KDELR1: variants seen among roughly 807,000 people sequenced by gnomAD.
KDELR1 encodes the protein KDEL endoplasmic reticulum protein retention receptor 1.
A neutral mutation model predicts 25.5 loss-of-function variants in KDELR1; 16 were observed. That is an observed-to-expected ratio of 0.63 (90% confidence interval 0.43 to 0.95). The LOEUF (loss-of-function observed/expected upper bound fraction) is 0.95, where lower values mean the gene tolerates loss of function less well. Among genes scored for constraint, KDELR1 ranks in the 40% least tolerant of loss-of-function variants. The pLI is 0.00. For synonymous variants in KDELR1, 121 were observed against 115.0 expected, an observed-to-expected ratio of 1.05 and a Z score of -0.33; for missense variants, 159 against 265.2, an observed-to-expected ratio of 0.60 and a Z score of 2.78.
rs1970551114 is a variant in KDELR1 at position 48,391,440 on chromosome 19, G to C, written c.-82C>G. 8.8e-7 allele frequency: 1 copy of C among 1,130,950 alleles called. No homozygotes were observed. The highest frequency in any genetic ancestry group is 1.3e-5 in the South Asian group (1 of 75,164). 70.1% of individuals were successfully genotyped at this position (1,130,950 alleles called of 1,614,324 possible). On this transcript the variant is annotated 5_prime_UTR_variant, in exon 1 of 5. Transcript: ENST00000330720. ...CCCCCGAGGCTGCTGGTCTGAACGG[G>C]TAGCTGGGCTGGGGGGACGGAAGAG...
intron 4 of KDELR1, among the ~76,000 whole-genome samples, chr19:48,383,956 T>A (rs1190472779): frequency 6.6e-6 from 1 of 152,188 alleles, no homozygotes; most frequent in African/African-American, 2.4e-5. Context: ...GTTGCATGAA[T>A]AAATGAATGA....
At chr19:48,389,991 G>T (rs1161400463) in intron 2 of KDELR1, among the ~76,000 whole-genome samples, 1 of 136,660 alleles carries the variant, frequency 7.3e-6, no homozygotes, top group Non-Finnish European at 1.6e-5. Flanking sequence ...TCAGACCCTG[G>T]AGTCCAGGCC....
At chr19:48,388,772 GGAA>G (rs1018958270) in intron 3 of KDELR1, among the ~76,000 whole-genome samples, 25 of 142,448 alleles carry the variant, frequency 1.8e-4, no homozygotes, top group Admixed American at 1.6e-3. Context: ...AGGAAAGAAA[GGAA>G]GAAAGAAAGA....
In KDELR1 at chr19:48,389,806, G is replaced by A. The variant is rs1241284530; in HGVS notation, c.193-95C>T. The A allele has an allele frequency of 1.7e-5, 23 of 1,372,976 alleles. No individual in the cohort carries two copies. In the African/African-American group the frequency reaches 2.0e-4, roughly 12 times the overall value. The allele number at this position is 1,372,976 out of a possible 1,614,324, so 85.0% of individuals were successfully genotyped here. A position where few individuals can be genotyped will look rare whatever the true frequency, so the allele number is the denominator to read the frequency against. Reference sequence around the variant, plus strand: ...GTCCAGGCCCCTCCCTCAGACGCAGGAGTCCAGACCCCCAACCCCTCCTCC... The same window carrying A: ...GTCCAGGCCCCTCCCTCAGACGCAGAAGTCCAGACCCCCAACCCCTCCTCC... On this transcript the variant is annotated intron_variant, in intron 2 of 4. Coordinates refer to ENST00000330720, the MANE Select transcript of KDELR1 (RefSeq NM_006801.3).
At chr19:48,396,908 T>C in the KDELR1 span, among the ~76,000 whole-genome samples, 1 of 152,050 alleles carries the variant, frequency 6.6e-6, no homozygotes, top group Non-Finnish European at 1.5e-5. Flanking sequence ...CGGACTCCAG[T>C]CCTTCTCTGG....
At chr19:48,395,062 C>T (rs1043896682), upstream of KDELR1, 2 of 152,312 alleles carry the variant, frequency 1.3e-5, no homozygotes, top group Admixed American at 1.3e-4. Flanking sequence ...GGTCTTGACC[C>T]CCACCTAGCT....
upstream of KDELR1, among the ~76,000 whole-genome samples, chr19:48,393,759 T>TCGCCCGCAGC (rs1970593281): frequency 6.6e-6 from 1 of 151,998 alleles, no homozygotes; most frequent in Admixed American, 6.6e-5. The surrounding 1 kb of genome is among the most constrained non-coding windows in gnomAD (Gnocchi z 5.6). Flanking sequence ...GCCGCCACCC[T>TCGCCCGCAGC]CGCCCGCAGC....
upstream of KDELR1, among the ~76,000 whole-genome samples, chr19:48,394,148 A>C (rs1970600890): frequency 6.6e-6 from 1 of 151,782 alleles, no homozygotes. This position sits in a 1 kb window ranked among gnomAD's most constrained non-coding sequence, Gnocchi z 5.1. Context: ...CCCTATCAGC[A>C]GTGGCAGCCT....
At chr19:48,386,373 TC>T (rs2147420496) in intron 3 of KDELR1, among the ~76,000 whole-genome samples, 1 of 151,004 alleles carries the variant, frequency 6.6e-6, no homozygotes, top group East Asian at 2.0e-4. Flanking sequence ...CACCTCACCC[TC>T]CCAAAGTGCT....
Position 48,384,528 on chromosome 19 carries a change from G to A in KDELR1, c.352-46C>T, listed in dbSNP as rs1420672363. ...TGATGAGGTGGGAGGGGACAGGGCG[G>A]GAGAAAAGGCAGAGGACAACATTGC... On this transcript the variant is annotated intron_variant, in intron 3 of 4. Transcript: ENST00000330720. The surrounding 1 kb of genome is among the most constrained non-coding windows in gnomAD (Gnocchi z 4.6). 1.3e-6 allele frequency: 2 copies of A among 1,586,452 alleles called. No homozygotes were observed. Among genetic ancestry groups the A allele is most frequent in the Non-Finnish European group, 1.7e-6 (2 of 1,164,314 alleles).
intron 4 of KDELR1, among the ~76,000 whole-genome samples, chr19:48,383,911 C>T (rs1208451527): frequency 3.3e-5 from 5 of 152,144 alleles, no homozygotes; most frequent in Non-Finnish European, 7.3e-5. Context: ...GAGCCTAGCA[C>T]CTGGCTGGGG....
At chr19:48,395,743 G>A (rs960294588), upstream of KDELR1, among the ~76,000 whole-genome samples, 1 of 152,070 alleles carries the variant, frequency 6.6e-6, no homozygotes, top group Admixed American at 6.6e-5. Context: ...TCGGTGGGGG[G>A]GCACCCAGGA....
chr19:48,387,967 C>G (rs2147421804), intron 3 of KDELR1: 1 of 152,290 alleles, frequency 6.6e-6, no homozygotes, highest in South Asian at 2.1e-4. Flanking sequence ...AGCAAAACAC[C>G]ATGGAATAAA....
Position 48,384,550 on chromosome 19 carries a change from T to TTGCAGTTA in KDELR1, c.352-76_352-69dup. 6.5e-7 allele frequency: 1 copy of TTGCAGTTA among 1,548,746 alleles called. No homozygotes were observed. Among genetic ancestry groups the TTGCAGTTA allele is most frequent in the South Asian group, 1.2e-5 (1 of 83,928 alleles). On this transcript the variant is annotated intron_variant, in intron 3 of 4. Coordinates refer to ENST00000330720, the MANE Select transcript of KDELR1 (RefSeq NM_006801.3). This position sits in a 1 kb window ranked among gnomAD's most constrained non-coding sequence, Gnocchi z 4.6. ...GCGGGAGAAAAGGCAGAGGACAACATTGCAGTTACAGGTGCCGCGAAGGTG... is the reference window on the plus strand; with the variant it reads ...GCGGGAGAAAAGGCAGAGGACAACATTGCAGTTATGCAGTTACAGGTGCCGCGAAGGTG...
At chr19:48,391,674 C>T, upstream of KDELR1, 1 of 403,892 alleles carries the variant, frequency 2.5e-6, no homozygotes, top group East Asian at 5.5e-5. Context: ...CTAAACGCAC[C>T]CCCAAAGCTG....
In KDELR1 at chr19:48,384,672, G is replaced by C. The variant is rs1197813195; in HGVS notation, c.352-190C>G. On this transcript the variant is annotated intron_variant, in intron 3 of 4. Transcript: ENST00000330720. The surrounding 1 kb of genome is among the most constrained non-coding windows in gnomAD (Gnocchi z 4.6). ...TTTAATCATCACCATGGCCCGGCGA[G>C]GAGATCCTATGATTAGCACACTTAT... Among the ~76,000 whole-genome samples the C allele has an allele frequency of 6.6e-6, 1 of 152,116 alleles. No individual in the cohort carries two copies. The highest frequency in any genetic ancestry group is 6.5e-5 in the Admixed American group (1 of 15,276).
At chr19:48,396,556 T>TG in the KDELR1 span, among the ~76,000 whole-genome samples, 8 of 110,002 alleles carry the variant, frequency 7.3e-5, no homozygotes, top group South Asian at 3.0e-4. Flanking sequence ...TGGGGCGGAG[T>TG]GGGGGGGTTA....
At chr19:48,396,229 G>A (rs1056243235), upstream of KDELR1, among the ~76,000 whole-genome samples, 9 of 152,092 alleles carry the variant, frequency 5.9e-5, no homozygotes, top group South Asian at 2.1e-4. Context: ...CCCTGAGGGC[G>A]TGGGTTCTGG....
the KDELR1 span, among the ~76,000 whole-genome samples, chr19:48,396,876 C>A: frequency 6.6e-6 from 1 of 152,090 alleles, no homozygotes; most frequent in Non-Finnish European, 1.5e-5. Flanking sequence ...TGGACCCTCA[C>A]CCCTTCTGGA....
Sources: gnomAD v4.1 joint callset for allele counts (sites outside exome capture counted in the v4.1 genomes callset) on GRCh38, gnomAD v4.1.1 for gene constraint, Gnocchi (gnomAD v3.1) non-coding constraint, MANE v1.5 for transcripts, NCBI Gene and HGNC (gene_info 2026-07-23, HGNC 2026-07-21) for gene names.